The following GALNTL6 variants were observed in gnomAD, a reference collection of about 807,000 sequenced individuals.
The protein encoded by GALNTL6 is polypeptide N-acetylgalactosaminyltransferase like 6.
GALNTL6 carries 46 observed loss-of-function variants against 73.7 expected under a neutral mutation model. That is an observed-to-expected ratio of 0.62 (90% CI 0.49 to 0.80). The LOEUF (loss-of-function observed/expected upper bound fraction) is 0.80. Ranked by LOEUF, GALNTL6 falls within the 30% of genes least tolerant of loss-of-function variation. The pLI is 0.00. For synonymous variants in GALNTL6, 259 were observed against 263.7 expected, an observed-to-expected ratio of 0.98 and a Z score of 0.17; for missense variants, 604 against 755.0, an observed-to-expected ratio of 0.80 and a Z score of 2.34.
At chr4:172,164,558 C>T (rs760220266) in intron 2 of GALNTL6, among the ~76,000 whole-genome samples, 2 of 151,874 alleles carry the variant, frequency 1.3e-5, no homozygotes, top group Non-Finnish European at 2.9e-5. Context: ...CTATCAAAAG[C>T]TAGAACTCAA....
chr4:172,373,341 G>A (rs750200858), intron 5 of GALNTL6, among the ~76,000 whole-genome samples: 4 of 152,230 alleles, frequency 2.6e-5, no homozygotes, highest in Non-Finnish European at 5.9e-5. Flanking sequence ...GCAGGGAATA[G>A]GGGTTGGGTA....
At chr4:172,122,542 T>G (rs1159716817) in intron 2 of GALNTL6, among the ~76,000 whole-genome samples, 1 of 152,192 alleles carries the variant, frequency 6.6e-6, no homozygotes, top group East Asian at 1.9e-4. Context: ...TTCCCATTTT[T>G]AGTAATATTA....
intron 5 of GALNTL6, among the ~76,000 whole-genome samples, chr4:172,529,103 T>C (rs1379002912): frequency 6.7e-6 from 1 of 150,168 alleles, no homozygotes; most frequent in African/African-American, 2.4e-5. Context: ...CTTTCAACTA[T>C]ATTATATTTG....
chr4:171,895,488 G>T (rs967148798), intron 2 of GALNTL6, among the ~76,000 whole-genome samples: 5 of 152,166 alleles, frequency 3.3e-5, no homozygotes, highest in Admixed American at 2.6e-4. Context: ...GCATAAAGCA[G>T]AGTCAGAGCA....
intron 5 of GALNTL6, among the ~76,000 whole-genome samples, chr4:172,750,372 G>A (rs992574942): frequency 6.6e-6 from 1 of 152,168 alleles, no homozygotes; most frequent in Non-Finnish European, 1.5e-5. Flanking sequence ...TTAAATCAAC[G>A]AAACTTTCCT....
At chr4:172,911,315 T>C (rs560825765) in intron 8 of GALNTL6, among the ~76,000 whole-genome samples, 3 of 152,376 alleles carry the variant, frequency 2.0e-5, no homozygotes, top group Non-Finnish European at 2.9e-5. Context: ...AATGTGCTCA[T>C]TGGAAATCCT....
intron 10 of GALNTL6, among the ~76,000 whole-genome samples, chr4:173,006,699 A>G (rs1234145562): frequency 1.3e-5 from 2 of 152,188 alleles, no homozygotes; most frequent in African/African-American, 2.4e-5. Flanking sequence ...TAGATCTCCT[A>G]CACTGAGAGA....
intron 10 of GALNTL6, among the ~76,000 whole-genome samples, chr4:172,980,598 C>G (rs574964065): frequency 6.6e-6 from 1 of 152,182 alleles, no homozygotes; most frequent in Non-Finnish European, 1.5e-5. Flanking sequence ...GCCACCTCCT[C>G]TCTGTGTGTT....
At chr4:173,020,688 T>C (rs7669563) in intron 11 of GALNTL6, among the ~76,000 whole-genome samples, 64,619 of 152,126 alleles carry the variant, frequency 0.42, 15,215 homozygotes, top group African/African-American at 0.62. Flanking sequence ...ATCTCTACTC[T>C]TTGTCTCTTT....
intron 5 of GALNTL6, among the ~76,000 whole-genome samples, chr4:172,776,991 T>C (rs1739112113): frequency 6.6e-6 from 1 of 152,322 alleles, no homozygotes; most frequent in South Asian, 2.1e-4. Flanking sequence ...GGAGCAAAGA[T>C]GAATTGTTCC....
intron 11 of GALNTL6, among the ~76,000 whole-genome samples, chr4:173,012,972 T>C (rs1752621048): frequency 6.6e-6 from 1 of 152,168 alleles, no homozygotes; most frequent in African/African-American, 2.4e-5. Context: ...ACCCCGTCTC[T>C]ACTAAAAATA....
chr4:172,799,667 G>A (rs1740493626), intron 5 of GALNTL6, among the ~76,000 whole-genome samples: 2 of 152,154 alleles, frequency 1.3e-5, no homozygotes, highest in South Asian at 4.1e-4. Flanking sequence ...CTGTTGCTGG[G>A]AATGTAAAAT....
chr4:172,657,453 G>A (rs1731093409), intron 5 of GALNTL6, among the ~76,000 whole-genome samples: 1 of 152,156 alleles, frequency 6.6e-6, no homozygotes, highest in African/African-American at 2.4e-5. Flanking sequence ...TTACCAATCA[G>A]TCTTTGTGAG....
intron 2 of GALNTL6, among the ~76,000 whole-genome samples, chr4:171,840,773 T>C (rs1343409024): frequency 6.6e-6 from 1 of 152,194 alleles, no homozygotes; most frequent in Non-Finnish European, 1.5e-5. Context: ...TTGTTTCTTA[T>C]CATGTTGCAA....
intron 2 of GALNTL6, among the ~76,000 whole-genome samples, chr4:172,058,287 G>T (rs1351248537): frequency 2.0e-5 from 3 of 151,898 alleles, no homozygotes; most frequent in Admixed American, 6.6e-5. Context: ...ATTTTTTCTA[G>T]TCTCACCTTC....
chr4:171,833,007 A>G (rs1329777814), intron 2 of GALNTL6, among the ~76,000 whole-genome samples: 2 of 151,814 alleles, frequency 1.3e-5, no homozygotes, highest in East Asian at 1.9e-4. Flanking sequence ...GCTAATTTTA[A>G]TCAATATAAA....
intron 5 of GALNTL6, among the ~76,000 whole-genome samples, chr4:172,392,931 G>A (rs114768732): frequency 3.4e-4 from 52 of 152,240 alleles, no homozygotes; most frequent in African/African-American, 1.1e-3. Context: ...CGTGAGTGGC[G>A]GGCCAGCAAG....
intron 8 of GALNTL6, among the ~76,000 whole-genome samples, chr4:172,901,259 G>A (rs1746611830): frequency 6.6e-6 from 1 of 152,120 alleles, no homozygotes; most frequent in African/African-American, 2.4e-5. Flanking sequence ...ACATGAATGG[G>A]ACAAAGTTAA....
intron 2 of GALNTL6, among the ~76,000 whole-genome samples, chr4:171,873,850 A>T (rs1736201495): frequency 6.6e-6 from 1 of 152,098 alleles, no homozygotes; most frequent in African/African-American, 2.4e-5. Flanking sequence ...AGCCTTTGGT[A>T]ACTGCTGAAT....
Sources: gnomAD v4.1 joint callset for allele counts (sites outside exome capture counted in the v4.1 genomes callset) on GRCh38, gnomAD v4.1.1 for gene constraint, MANE v1.5 for transcripts, NCBI Gene and HGNC (gene_info 2026-07-23, HGNC 2026-07-21) for gene names.